KCNQ1: variants seen among roughly 807,000 people sequenced by gnomAD.
KCNQ1 encodes the protein potassium voltage-gated channel subfamily Q member 1.
In KCNQ1, 49 loss-of-function variants were observed where a neutral mutation model predicts 72.4. That is an observed-to-expected ratio of 0.68 (90% CI 0.54 to 0.86). The LOEUF is 0.86. Among genes scored for constraint, KCNQ1 ranks in the 40% least tolerant of loss-of-function variants. KCNQ1 has a pLI of 0.00. For synonymous variants in KCNQ1, 450 were observed against 412.6 expected (o/e 1.09, Z -1.10); for missense variants, 790 against 945.1 (o/e 0.84, Z 2.15).
chr11:2,683,722 G>C lies in KCNQ1; in HGVS notation c.1514+21641G>C, dbSNP rs1042651167. Reference sequence around the variant, plus strand: ...ACTCAGGCCTTTCCTTACTCCCTCTGGTTACCTAGCTTTAGCTCTGAGGCA... The same window carrying C: ...ACTCAGGCCTTTCCTTACTCCCTCTCGTTACCTAGCTTTAGCTCTGAGGCA... On this transcript the variant is annotated intron_variant, in intron 11 of 15. Coordinates refer to ENST00000155840, the MANE Select transcript of KCNQ1 (RefSeq NM_000218.3). This position sits in a 1 kb window ranked among gnomAD's most constrained non-coding sequence, Gnocchi z 4.7. The C allele has an allele frequency of 2.5e-6, 1 of 398,434 alleles. No homozygotes were observed. The highest frequency in any genetic ancestry group is 2.1e-5 in the African/African-American group (1 of 48,592). The allele number at this position is 398,434 out of a possible 1,614,324, so 24.7% of individuals were successfully genotyped here.
In KCNQ1 at chr11:2,813,693, A is replaced by T. The variant is rs1215225231; in HGVS notation, c.1795-34074A>T. ...GTGGTGGGCTGTCACTCCGGAGGCC[A>T]GTGACTGCGTCATCAGTGCCTTTTG... is the stretch of plus-strand genomic sequence containing the variant. On this transcript the variant is annotated intron_variant, in intron 15 of 15. Transcript: ENST00000155840. This position sits in a 1 kb window ranked among gnomAD's most constrained non-coding sequence, Gnocchi z 4.4. Among the ~76,000 whole-genome samples, 14 of 152,144 alleles carry T rather than the reference A, an allele frequency of 9.2e-5. No individual in the cohort carries two copies. The highest frequency in any genetic ancestry group is 3.4e-4 in the African/African-American group (14 of 41,432).
chr11:2,520,833 C>T (rs553036225), intron 1 of KCNQ1, among the ~76,000 whole-genome samples: 4 of 152,000 alleles, frequency 2.6e-5, no homozygotes, highest in Non-Finnish European at 5.9e-5. Flanking sequence ...GGGGTTTAAG[C>T]GTCAATATTT....
chr11:2,741,442 C>T (rs974992324), intron 11 of KCNQ1, among the ~76,000 whole-genome samples: 2 of 152,156 alleles, frequency 1.3e-5, no homozygotes, highest in Admixed American at 6.5e-5. Flanking sequence ...GGGCTGCACA[C>T]GTGTACGCAC....
intron 15 of KCNQ1, among the ~76,000 whole-genome samples, chr11:2,829,995 AGAGGGAG>A (rs1847910552): frequency 1.0e-5 from 1 of 95,812 alleles, no homozygotes; most frequent in African/African-American, 4.3e-5. Context: ...GGAGGAAGGA[AGAGGGAG>A]GAGGAAGGAG....
intron 11 of KCNQ1, chr11:2,699,374 C>G (rs1435997290): frequency 2.5e-6 from 1 of 399,716 alleles, no homozygotes; most frequent in South Asian, 1.2e-4. Context: ...CGCCCAGGTC[C>G]GTGCTGACCG....
At chr11:2,504,149 G>A (rs895009716) in intron 1 of KCNQ1, among the ~76,000 whole-genome samples, 4 of 152,212 alleles carry the variant, frequency 2.6e-5, no homozygotes, top group Admixed American at 1.3e-4. Flanking sequence ...AGTTAGCCAT[G>A]AAAAAGAATG....
At position 2,484,863 on chromosome 11, in the gene KCNQ1, C is replaced by T. The variant is rs1846714396; in HGVS notation, c.386+39379C>T. On this transcript the variant is annotated intron_variant, in intron 1 of 15. Coordinates refer to ENST00000155840, the MANE Select transcript of KCNQ1 (RefSeq NM_000218.3). The surrounding 1 kb of genome is among the most constrained non-coding windows in gnomAD (Gnocchi z 5.2). ...CATACTGTCTCCAACTCCAGTTCTG[C>T]CCCAGTGGGGCCAATTCTCTCTCTT... 6.6e-6 allele frequency among the ~76,000 whole-genome samples: 1 copy of T among 152,224 alleles called. No individual in the cohort carries two copies. The highest frequency in any genetic ancestry group is 1.5e-5 in the Non-Finnish European group (1 of 68,042).
intron 2 of KCNQ1, among the ~76,000 whole-genome samples, chr11:2,539,017 C>T (rs1397938794): frequency 6.6e-6 from 1 of 152,184 alleles, no homozygotes; most frequent in Non-Finnish European, 1.5e-5. Flanking sequence ...TGAGCCCCAC[C>T]TGGGTTTGAG....
rs1849862386 is a variant in KCNQ1 at position 2,657,012 on chromosome 11, T to A, written c.1394-4949T>A. 2.5e-6 allele frequency: 1 copy of A among 398,508 alleles called. No homozygotes were observed. The highest frequency in any genetic ancestry group is 2.1e-5 in the African/African-American group (1 of 48,644). 24.7% of individuals were successfully genotyped at this position (398,508 alleles called of 1,614,324 possible). A position where few individuals can be genotyped will look rare whatever the true frequency, so the allele number is the denominator to read the frequency against. On this transcript the variant is annotated intron_variant, in intron 10 of 15. Coordinates refer to ENST00000155840, the MANE Select transcript of KCNQ1 (RefSeq NM_000218.3). The surrounding 1 kb of genome is among the most constrained non-coding windows in gnomAD (Gnocchi z 4.8). ...CTTCCCAGGATGTGCAGGCCACCTC[T>A]GATACACAGCAAGCTTCCATATTTG...
chr11:2,584,924 G>A (rs1848570631), intron 7 of KCNQ1, among the ~76,000 whole-genome samples: 1 of 152,164 alleles, frequency 6.6e-6, no homozygotes, highest in African/African-American at 2.4e-5. Context: ...GGCACATACA[G>A]ATGGACCAGC....
Position 2,457,906 on chromosome 11 carries a change from A to T in KCNQ1, c.386+12422A>T, listed in dbSNP as rs1182290235. Among the ~76,000 whole-genome samples the T allele has an allele frequency of 6.6e-6, 1 of 151,970 alleles. No homozygotes were observed. The highest frequency in any genetic ancestry group is 1.9e-4 in the East Asian group (1 of 5,188). Reference sequence around the variant, plus strand: ...TGAGGACTATCAGTATGCATCCAGGATGACGTTTACTTAAATATCTCTGTT... The same window carrying T: ...TGAGGACTATCAGTATGCATCCAGGTTGACGTTTACTTAAATATCTCTGTT... On this transcript the variant is annotated intron_variant, in intron 1 of 15. Coordinates refer to ENST00000155840, the MANE Select transcript of KCNQ1 (RefSeq NM_000218.3). This position sits in a 1 kb window ranked among gnomAD's most constrained non-coding sequence, Gnocchi z 5.0.
chr11:2,760,215 GC>G (rs1199650281), intron 11 of KCNQ1, among the ~76,000 whole-genome samples: 4 of 152,178 alleles, frequency 2.6e-5, no homozygotes, highest in Admixed American at 6.5e-5. Context: ...AGTGGGCTCA[GC>G]CCCTGAGACC....
Position 2,446,610 on chromosome 11 carries a change from G to C in KCNQ1, c.386+1126G>C, listed in dbSNP as rs1287117920. ...CAAATGGCTTCAAGCATCGTCTCAG[G>C]TGAGGGGGTGGGGTAGGGGTCGCAG... On this transcript the variant is annotated intron_variant, in intron 1 of 15. Transcript: ENST00000155840. This position sits in a 1 kb window ranked among gnomAD's most constrained non-coding sequence, Gnocchi z 8.8. Among the ~76,000 whole-genome samples the C allele has an allele frequency of 6.6e-6, 1 of 152,200 alleles. No individual in the cohort carries two copies. The highest frequency in any genetic ancestry group is 1.5e-5 in the Non-Finnish European group (1 of 68,024).
chr11:2,797,411 G>A (rs1055986809), intron 15 of KCNQ1, among the ~76,000 whole-genome samples: 1 of 152,202 alleles, frequency 6.6e-6, no homozygotes, highest in Admixed American at 6.5e-5. Context: ...CCTTTCCTTG[G>A]GCTCTCAGCG....
intron 11 of KCNQ1, chr11:2,666,322 A>G: frequency 2.5e-6 from 1 of 398,654 alleles, no homozygotes; most frequent in Middle Eastern, 6.3e-4. Context: ...GACCCCCACC[A>G]GGTGACTGTG....
At chr11:2,811,985 A>G (rs1448944491) in intron 15 of KCNQ1, among the ~76,000 whole-genome samples, 2 of 151,974 alleles carry the variant, frequency 1.3e-5, no homozygotes, top group Non-Finnish European at 2.9e-5. Flanking sequence ...CCTGGCACGC[A>G]GCCCCACCGG....
At chr11:2,646,949 A>T (rs765029748) in intron 10 of KCNQ1, 1 of 398,486 alleles carries the variant, frequency 2.5e-6, no homozygotes, top group Non-Finnish European at 4.4e-6. Context: ...ACAATATGAC[A>T]TTCTCTTTTC....
chr11:2,561,679 C>T (rs1029241820), intron 2 of KCNQ1, among the ~76,000 whole-genome samples: 2 of 152,230 alleles, frequency 1.3e-5, no homozygotes, highest in Non-Finnish European at 2.9e-5. Context: ...TCCTGCTTAG[C>T]GATCCTTTCT....
At chr11:2,551,975 T>A (rs1257264884) in intron 2 of KCNQ1, among the ~76,000 whole-genome samples, 1 of 152,254 alleles carries the variant, frequency 6.6e-6, no homozygotes, top group East Asian at 1.9e-4. Context: ...GTTGTGTCTA[T>A]GTTCTGGATA....
Sources: gnomAD v4.1 joint callset for allele counts (sites outside exome capture counted in the v4.1 genomes callset) on GRCh38, gnomAD v4.1.1 for gene constraint, Gnocchi (gnomAD v3.1) non-coding constraint, MANE v1.5 for transcripts, NCBI Gene and HGNC (gene_info 2026-07-23, HGNC 2026-07-21) for gene names.